The following NOL4 variants were observed in gnomAD, a reference collection of about 807,000 sequenced individuals.
NOL4 encodes the protein cancer/testis antigen 125.
In NOL4, 17 loss-of-function variants were observed where a neutral mutation model predicts 75.9. That is an observed-to-expected ratio of 0.22 (90% confidence interval 0.15 to 0.34). The LOEUF is 0.34. NOL4 is among the 10% of genes least tolerant of loss of function. The pLI is 1.00. For synonymous variants in NOL4, 292 were observed against 289.9 expected (o/e 1.01, Z -0.07); for missense variants, 614 against 793.5 (o/e 0.77, Z 2.72).
intron 9 of NOL4, among the ~76,000 whole-genome samples, chr18:33,908,169 C>T (rs2066176581): frequency 6.6e-6 from 1 of 152,186 alleles, no homozygotes; most frequent in Admixed American, 6.5e-5. Context: ...AGTTACCCAA[C>T]ATTGGTGTTC....
chr18:34,191,372 TATG>T (rs2034901356), intron 1 of NOL4, among the ~76,000 whole-genome samples: 1 of 152,172 alleles, frequency 6.6e-6, no homozygotes, highest in African/African-American at 2.4e-5. Context: ...TGTCAGTTAA[TATG>T]ATTTTACTAT....
At chr18:33,913,898 G>A (rs1313312624) in intron 9 of NOL4, among the ~76,000 whole-genome samples, 1 of 152,076 alleles carries the variant, frequency 6.6e-6, no homozygotes, top group Non-Finnish European at 1.5e-5. Flanking sequence ...AATTAGTGCA[G>A]AGAAGACAAA....
At chr18:34,028,684 T>C (rs189527342) in intron 5 of NOL4, among the ~76,000 whole-genome samples, 1 of 152,322 alleles carries the variant, frequency 6.6e-6, no homozygotes, top group African/African-American at 2.4e-5. Context: ...CCAGTGAATT[T>C]AGAAATACAG....
intron 1 of NOL4, among the ~76,000 whole-genome samples, chr18:34,196,549 T>G (rs1568440414): frequency 6.6e-6 from 1 of 152,148 alleles, no homozygotes; most frequent in Non-Finnish European, 1.5e-5. Flanking sequence ...GAATTTTGAT[T>G]AGATGTTCAC....
intron 10 of NOL4, among the ~76,000 whole-genome samples, chr18:33,871,468 T>C (rs1022036901): frequency 7.2e-5 from 11 of 151,982 alleles, no homozygotes; most frequent in African/African-American, 2.7e-4. Context: ...CCTTCCTAAG[T>C]GGCAGAGGGC....
chr18:34,047,741 T>C (rs1345852094), intron 5 of NOL4, among the ~76,000 whole-genome samples: 1 of 152,064 alleles, frequency 6.6e-6, no homozygotes, highest in African/African-American at 2.4e-5. Flanking sequence ...GAAGGAACTG[T>C]GTAAGCACAA....
intron 5 of NOL4, among the ~76,000 whole-genome samples, chr18:34,056,395 A>G (rs967232691): frequency 1.3e-5 from 2 of 152,028 alleles, no homozygotes; most frequent in African/African-American, 4.8e-5. Flanking sequence ...CAAATTCCCT[A>G]AGCAGCCTGC....
chr18:34,204,367 T>C (rs898665067), intron 1 of NOL4, among the ~76,000 whole-genome samples: 17 of 152,116 alleles, frequency 1.1e-4, no homozygotes, highest in Middle Eastern at 3.2e-3. Flanking sequence ...ATCATATTTG[T>C]CTTATTTCAT....
chr18:34,197,224 A>G (rs1215458055), intron 1 of NOL4, among the ~76,000 whole-genome samples: 2 of 152,042 alleles, frequency 1.3e-5, no homozygotes, highest in South Asian at 2.1e-4. Flanking sequence ...ACTGAAAGCT[A>G]TGATCTTTAT....
At chr18:34,141,059 A>T (rs563545283) in intron 1 of NOL4, among the ~76,000 whole-genome samples, 41 of 152,348 alleles carry the variant, frequency 2.7e-4, no homozygotes, top group African/African-American at 9.6e-4. Context: ...AGAGAGCCAA[A>T]TCATGAATGA....
intron 1 of NOL4, among the ~76,000 whole-genome samples, chr18:34,192,975 G>T (rs748567894): frequency 6.6e-6 from 1 of 152,110 alleles, no homozygotes; most frequent in African/African-American, 2.4e-5. Context: ...CCAGATGCAG[G>T]CTCCTCGACC....
In NOL4 at chr18:34,080,887, T is replaced by C. The variant is rs551390118; in HGVS notation, c.772+12578A>G. Among the ~76,000 whole-genome samples, 11 of 152,320 alleles carry C rather than the reference T, an allele frequency of 7.2e-5. No homozygotes were observed. In the East Asian group the frequency reaches 2.1e-3, roughly 29 times the overall value. On this transcript the variant is annotated intron_variant, in intron 5 of 10. Transcript: ENST00000261592. ...ATACTAATTTGATTGTTAAACTACA[T>C]GATAGTCATTATTGTAATAGTACCT...
chr18:34,021,747 G>A (rs769159230), intron 5 of NOL4, among the ~76,000 whole-genome samples: 3 of 152,080 alleles, frequency 2.0e-5, no homozygotes, highest in Admixed American at 6.6e-5. Context: ...TAGAAAAATC[G>A]TGAGAATAGA....
At chr18:33,961,404 A>G (rs1016984180) in intron 6 of NOL4, among the ~76,000 whole-genome samples, 9 of 152,026 alleles carry the variant, frequency 5.9e-5, no homozygotes, top group Admixed American at 5.9e-4. Context: ...AAATTTGCCT[A>G]TTCTGCCTGA....
intron 5 of NOL4, among the ~76,000 whole-genome samples, chr18:34,046,061 A>G (rs2144880009): frequency 6.6e-6 from 1 of 152,218 alleles, no homozygotes; most frequent in South Asian, 2.1e-4. Flanking sequence ...TTTCTGTTGT[A>G]AATTTCCTGT....
In NOL4 at chr18:33,988,850, G is replaced by A. The variant is rs377624788; in HGVS notation, c.1057-30432C>T. Among the ~76,000 whole-genome samples, 10 of 152,070 alleles carry A rather than the reference G, an allele frequency of 6.6e-5. No homozygotes were observed. In the East Asian group the frequency reaches 1.7e-3, roughly 27 times the overall value. On this transcript the variant is annotated intron_variant, in intron 6 of 10. Transcript: ENST00000261592. ...ACCTTCTTCCTTTTCTGCGGGCAAT[G>A]GAACCAAGTACAATTTGGAAATTTT... is the stretch of plus-strand genomic sequence containing the variant.
chr18:34,073,758 T>C (rs2077621703), intron 5 of NOL4, among the ~76,000 whole-genome samples: 1 of 151,932 alleles, frequency 6.6e-6, no homozygotes, highest in African/African-American at 2.4e-5. Flanking sequence ...TACAAAATAA[T>C]AGGGATATAG....
intron 1 of NOL4, among the ~76,000 whole-genome samples, chr18:34,205,217 T>C (rs961383324): frequency 3.3e-5 from 5 of 152,140 alleles, no homozygotes; most frequent in South Asian, 2.1e-4. Context: ...CCATGAACAA[T>C]AGACCTGAAG....
intron 10 of NOL4, among the ~76,000 whole-genome samples, 175 bp downstream of exon 10, chr18:33,883,069 G>T (rs1246260803): frequency 4.8e-5 from 7 of 147,070 alleles, no homozygotes; most frequent in Non-Finnish European, 1.0e-4. Context: ...GGTGGAGGGA[G>T]GGGGGAGCGA....
Sources: allele counts gnomAD v4.1 joint callset (sites outside exome capture counted in the v4.1 genomes callset), GRCh38; gene constraint gnomAD v4.1.1; transcripts MANE v1.5; gene names NCBI Gene and HGNC (gene_info 2026-07-23, HGNC 2026-07-21).